Variants in ROBO3 observed in about 807,000 individuals in gnomAD.
ROBO3 encodes roundabout guidance receptor 3.
In ROBO3, 97 loss-of-function variants were observed where a neutral mutation model predicts 160.5. The observed-to-expected ratio is 0.60, with a 90% CI of 0.51 to 0.72. ROBO3 has a LOEUF of 0.72. Ranked by LOEUF, ROBO3 falls within the 30% of genes least tolerant of loss-of-function variation. The pLI is 0.00. For missense variants in ROBO3, 1,858 were observed against 1,846.5 expected (o/e 1.01, Z -0.11); for synonymous variants, 780 against 746.2 (o/e 1.05, Z -0.74).
intron 23 of ROBO3, 45 bp from the exon 24 acceptor site, chr11:124,879,145 A>G (rs1000121551): frequency 2.7e-5 from 42 of 1,536,698 alleles, no homozygotes; most frequent in East Asian, 2.7e-4. Context: ...GTAGGCATTC[A>G]GTTTTTGTGG....
Position 124,872,879 on chromosome 11 carries a change from C to G in ROBO3, c.1331-5C>G. On this transcript the variant is annotated splice_region_variant and splice_polypyrimidine_tract_variant and intron_variant, in intron 8 of 27. Transcript: ENST00000397801. The surrounding 1 kb of genome is among the most constrained non-coding windows in gnomAD (Gnocchi z 4.3). ...CCTGAGGTGCACACGTTCTTCCTCT[C>G]TCAGCCTCTTTGGATGGGCTGCCTC... 1 of 1,593,518 alleles carries G rather than the reference C, an allele frequency of 6.3e-7. No homozygotes were observed. The highest frequency in any genetic ancestry group is 8.5e-7 in the Non-Finnish European group (1 of 1,170,434).
intron 26 of ROBO3, 50 bp downstream of exon 26, chr11:124,879,998 G>GCA: frequency 6.7e-7 from 1 of 1,495,320 alleles, no homozygotes; most frequent in Non-Finnish European, 8.9e-7. Context: ...GGAGACTGTG[G>GCA]GCTTTGGGAC....
chr11:124,868,571 C>T, intron 1 of ROBO3: 1 of 646,626 alleles, frequency 1.5e-6, no homozygotes, highest in Non-Finnish European at 2.8e-6. Context: ...GTCCCGATCC[C>T]TCTACTAACC....
intron 14 of ROBO3, 65 bp from the exon 15 acceptor site, chr11:124,875,498 TG>T (rs1290234324): frequency 3.1e-6 from 5 of 1,594,550 alleles, no homozygotes; most frequent in African/African-American, 1.4e-5. Flanking sequence ...GGGGGAATGT[TG>T]GGGCAGGAGG....
intron 7 of ROBO3, among the ~76,000 whole-genome samples, chr11:124,871,624 C>G (rs1197843126): frequency 6.6e-6 from 1 of 152,196 alleles, no homozygotes; most frequent in Non-Finnish European, 1.5e-5. Context: ...GCAAACAAAT[C>G]TCAAAATCCA....
intron 6 of ROBO3, 85 bp from the exon 7 acceptor site, chr11:124,870,929 G>A: frequency 6.4e-7 from 1 of 1,556,910 alleles, no homozygotes; most frequent in Non-Finnish European, 8.8e-7. Context: ...CTTGAGCTAA[G>A]CTGGAGCTTC....
chr11:124,874,683 T>C, intron 12 of ROBO3, 105 bp from the exon 13 acceptor site: 2 of 1,351,736 alleles, frequency 1.5e-6, no homozygotes, highest in Non-Finnish European at 2.0e-6. Flanking sequence ...TGGGGTGTGC[T>C]CTGGAGTACT....
At position 124,869,429 on chromosome 11, in the gene ROBO3, G is replaced by GCCCCCCCC. The variant is rs34127060; in HGVS notation, c.488-15_488-14insCCCCCCCC. 4.5e-5 allele frequency: 59 copies of GCCCCCCCC among 1,301,704 alleles called. No homozygotes were observed. Among genetic ancestry groups the GCCCCCCCC allele is most frequent in the African/African-American group, 1.0e-4 (6 of 58,702 alleles). 80.6% of individuals were successfully genotyped at this position (1,301,704 alleles called of 1,614,324 possible). ...TGTCACTCTACACCCTGCTTATTTC[G>GCCCCCCCC]CCCCCCACCGCCCCGCCCAGTCCTC... On this transcript the variant is annotated intron_variant, in intron 2 of 27. Transcript: ENST00000397801. The surrounding 1 kb of genome is among the most constrained non-coding windows in gnomAD (Gnocchi z 4.2).
intron 17 of ROBO3, 149 bp from the exon 18 acceptor site, chr11:124,877,012 A>AC (rs1434530517): frequency 1.1e-6 from 1 of 889,546 alleles, no homozygotes; most frequent in Non-Finnish European, 1.9e-6. Context: ...CCTGAGTCCC[A>AC]CCCCCGAGAA....
In ROBO3 at chr11:124,872,121, G is replaced by T. The variant is rs1447778022; in HGVS notation, c.1159-260G>T. On this transcript the variant is annotated intron_variant, in intron 7 of 27. Transcript: ENST00000397801. The surrounding 1 kb of genome is among the most constrained non-coding windows in gnomAD (Gnocchi z 4.3). ...TCAAATTTGGGAAATTGGGGCTCAG[G>T]CAGGTTAAACAGCTTGTTCAGGGTT... Among the ~76,000 whole-genome samples the T allele has an allele frequency of 6.6e-6, 1 of 152,184 alleles. No individual in the cohort carries two copies.
Position 124,879,803 on chromosome 11 carries a change from C to T in ROBO3, c.3813C>T (p.Pro1271=). The change falls in exon 26 of 28, where the codon CCC becomes CCT. Residue 1271 remains proline (P), a synonymous_variant. Transcript: ENST00000397801. ...ENSPGDLPPP[P]LPPPEEEASW... Reference sequence around the variant, plus strand: ...CCTCCCCAGACTTGCCCCCACCACCCTTGCCACCGCCAGAGGAAGAGGCGA... The same window carrying T: ...CCTCCCCAGACTTGCCCCCACCACCTTTGCCACCGCCAGAGGAAGAGGCGA... The T allele has an allele frequency of 6.2e-7, 1 of 1,613,866 alleles. No homozygotes were observed. The highest frequency in any genetic ancestry group is 1.1e-5 in the South Asian group (1 of 91,074).
Position 124,876,604 on chromosome 11 carries a change from G to T in ROBO3, c.2779+144G>T, listed in dbSNP as rs1946384343. On this transcript the variant is annotated intron_variant, in intron 17 of 27. Transcript: ENST00000397801. This position sits in a 1 kb window ranked among gnomAD's most constrained non-coding sequence, Gnocchi z 5.3. ...GAGTTCAGCCTCTTGGGTAGGGGCG[G>T]GATACGTGGGGCGACTCGAGGAGCT... is the stretch of plus-strand genomic sequence containing the variant. 1.5e-6 allele frequency: 1 copy of T among 658,064 alleles called. No homozygotes were observed. Among genetic ancestry groups the T allele is most frequent in the Non-Finnish European group, 2.3e-6 (1 of 439,304 alleles). 40.8% of individuals were successfully genotyped at this position (658,064 alleles called of 1,614,324 possible). A position where few individuals can be genotyped will look rare whatever the true frequency, so the allele number is the denominator to read the frequency against.
In ROBO3 at chr11:124,880,588, C is replaced by T. The variant is rs1385003575; in HGVS notation, c.4129C>T (p.Pro1377Ser). ...TCAGAGCCGGAGCCAGAGCCAAAGG[C>T]CAGGACAGAAACGCCGAGAGGTAGG... ...RSQSRSQSQR[P>S]GQKRREEPR is the part of the protein sequence containing the mutation. The change falls in exon 27 of 28, where the codon CCA becomes TCA. Residue 1377 changes from proline to serine, a missense_variant. Physicochemically the swap from Pro to Ser is moderately conservative, Grantham distance 74. Transcript: ENST00000397801. 6.5e-7 allele frequency: 1 copy of T among 1,549,060 alleles called. No individual in the cohort carries two copies.
In ROBO3 at chr11:124,876,141, G is replaced by C. The variant is rs747605535; in HGVS notation, c.2593+16G>C. 1 of 1,589,912 alleles carries C rather than the reference G, an allele frequency of 6.3e-7. No homozygotes were observed. The highest frequency in any genetic ancestry group is 1.1e-5 in the South Asian group (1 of 89,608). On this transcript the variant is annotated intron_variant, in intron 16 of 27. Transcript: ENST00000397801. The surrounding 1 kb of genome is among the most constrained non-coding windows in gnomAD (Gnocchi z 5.3). ...GTGCAGCTGCGTGAGTCCACCCGAGGGCAGTGCTGAGGATCTTGACGGGGG... is the reference window on the plus strand; with the variant it reads ...GTGCAGCTGCGTGAGTCCACCCGAGCGCAGTGCTGAGGATCTTGACGGGGG...
chr11:124,874,475 T>C (rs1394520249), intron 12 of ROBO3, among the ~76,000 whole-genome samples: 1 of 152,098 alleles, frequency 6.6e-6, no homozygotes, highest in African/African-American at 2.4e-5. Flanking sequence ...GTCATTCATT[T>C]TGGCAGCTTC....
chr11:124,869,951 C>T lies in ROBO3; in HGVS notation c.649C>T (p.Arg217Cys), dbSNP rs562568604. Reference sequence around the variant, plus strand: ...AGTTACCATTATTGCTCTGCAGATCCGTGGAGGGAAGCTGATGATGTCACA... The same window carrying T: ...AGTTACCATTATTGCTCTGCAGATCTGTGGAGGGAAGCTGATGATGTCACA... Reference protein sequence around the residue: ...LKEEEGRITIRGGKLMMSHTL... With the variant: ...LKEEEGRITICGGKLMMSHTL... Residue 217 changes from arginine (R) to cysteine (C), a missense_variant, in exon 4 of 28, where the codon CGT becomes TGT. Coordinates refer to ENST00000397801, the MANE Select transcript of ROBO3 (RefSeq NM_022370.4). The surrounding 1 kb of genome is among the most constrained non-coding windows in gnomAD (Gnocchi z 4.2). 20 of 1,602,394 alleles carry T rather than the reference C, an allele frequency of 1.2e-5. No homozygotes were observed. Among genetic ancestry groups the T allele is most frequent in the East Asian group, 2.3e-5 (1 of 44,314 alleles).
At position 124,872,399 on chromosome 11, in the gene ROBO3, C is replaced by A; in HGVS notation, c.1177C>A (p.Gln393Lys). The A allele has an allele frequency of 6.2e-7, 1 of 1,613,982 alleles. No homozygotes were observed. Among genetic ancestry groups the A allele is most frequent in the South Asian group, 1.1e-5 (1 of 91,050 alleles). The part of the protein sequence containing the change: ...EGSQVLLFPS[Q>K]SLQPTGRFSV... ...TCCCCAGGTCCTGCTTTTCCCCAGT[C>A]AGTCACTTCAGCCGACGGGGCGCTT... Residue 393 changes from glutamine to lysine, a missense_variant, in exon 8 of 28, where the codon CAG becomes AAG. By Grantham distance (53) the Gln-to-Lys change is moderately conservative. Coordinates refer to ENST00000397801, the MANE Select transcript of ROBO3 (RefSeq NM_022370.4). This position sits in a 1 kb window ranked among gnomAD's most constrained non-coding sequence, Gnocchi z 4.3.
Position 124,874,853 on chromosome 11 carries a change from G to A in ROBO3, c.2017G>A (p.Val673Met). The change falls in exon 13 of 28, where the codon GTG (valine) becomes ATG (methionine). Residue 673 changes from valine to methionine, a missense_variant. By Grantham distance (21) the Val-to-Met change is conservative. Coordinates refer to ENST00000397801, the MANE Select transcript of ROBO3 (RefSeq NM_022370.4). ...CCAGCAGGGACTGGCGGAAGTGGCT[G>A]TGCGCCTGCAGGAGCCCATAGTCCT... ...RGQQGLAEVA[V>M]RLQEPIVLGP... The A allele has an allele frequency of 6.2e-7, 1 of 1,601,248 alleles. No individual in the cohort carries two copies. The highest frequency in any genetic ancestry group is 8.5e-7 in the Non-Finnish European group (1 of 1,174,092).
At position 124,869,082 on chromosome 11, in the gene ROBO3, C is replaced by A; in HGVS notation, c.441C>A (p.Asn147Lys). The change falls in exon 2 of 28, where the codon AAC becomes AAA. Residue 147 changes from asparagine (N) to lysine (K), a missense_variant. By Grantham distance (94) the Asn-to-Lys change is moderately conservative. Transcript: ENST00000397801. This position sits in a 1 kb window ranked among gnomAD's most constrained non-coding sequence, Gnocchi z 4.2. The part of the protein sequence containing the change: ...DEGVYTCVAR[N>K]YLGAAASRNA... The stretch of plus-strand genomic sequence containing the variant: ...GTGTCTACACTTGCGTGGCTCGCAA[C>A]TACCTGGGGGCAGCAGCGAGCAGAA... 6.3e-7 allele frequency: 1 copy of A among 1,594,786 alleles called. No homozygotes were observed. Among genetic ancestry groups the A allele is most frequent in the Admixed American group, 1.7e-5 (1 of 57,950 alleles).
Sources: gnomAD v4.1 joint callset for allele counts (sites outside exome capture counted in the v4.1 genomes callset) on GRCh38, gnomAD v4.1.1 for gene constraint, Gnocchi (gnomAD v3.1) non-coding constraint, MANE v1.5 for transcripts, NCBI Gene and HGNC (gene_info 2026-07-23, HGNC 2026-07-21) for gene names.